The following PPP2R3B variants were observed in gnomAD, a reference collection of about 807,000 sequenced individuals.
PPP2R3B encodes the protein serine/threonine-protein phosphatase 2A regulatory subunit B'' subunit beta.
Under a neutral mutation model 72.9 loss-of-function variants are expected in PPP2R3B, and 68 were observed. That is an observed-to-expected ratio of 0.93 (90% CI 0.77 to 1.14). The LOEUF (loss-of-function observed/expected upper bound fraction) is 1.14. Among genes scored for constraint, PPP2R3B ranks in the 50% most tolerant of loss-of-function variants. The probability of loss-of-function intolerance (pLI) is 0.00; values close to 1 mark genes in which losing one functional copy is unlikely to be tolerated. For missense variants in PPP2R3B, 1,018 were observed against 842.0 expected (o/e 1.21, Z -2.59); for synonymous variants, 466 against 375.8 (o/e 1.24, Z -2.78).
intron 1 of PPP2R3B, among the ~76,000 whole-genome samples, chrX:381,555 G>A (rs1011545784): frequency 6.7e-6 from 1 of 150,092 alleles, no homozygotes; most frequent in African/African-American, 2.5e-5. Context: ...ACGTGGCCTC[G>A]CGTATTCTGT....
intron 6 of PPP2R3B, 91 bp downstream of exon 6, chrX:346,080 GGGA>G: frequency 1.7e-6 from 1 of 579,418 alleles, no homozygotes; most frequent in Non-Finnish European, 2.8e-6. Flanking sequence ...GGGGTGGGAG[GGGA>G]GGAGGGAGGG....
Position 386,676 on chromosome X carries a change from C to T in PPP2R3B, c.16G>A (p.Val6Met). Reference sequence around the variant, plus strand: ...TTCATCTTCAGGACCGGCTGCAGCACTTTGCCGGGCGGCATGGCGGGGGCT... The same window carrying T: ...TTCATCTTCAGGACCGGCTGCAGCATTTTGCCGGGCGGCATGGCGGGGGCT... MPPGK[V>M]LQPVLKMKVD... The change falls in exon 1 of 13, where the codon GTG becomes ATG. Residue 6 changes from valine (V) to methionine (M), a missense_variant. Transcript: ENST00000390665. 1 of 1,321,506 alleles carries T rather than the reference C, an allele frequency of 7.6e-7. No homozygotes were observed. Among genetic ancestry groups the T allele is most frequent in the South Asian group, 2.3e-5 (1 of 43,860 alleles). The allele number at this position is 1,321,506 out of a possible 1,614,324, so 81.9% of individuals were successfully genotyped here. A position where few individuals can be genotyped will look rare whatever the true frequency, so the allele number is the denominator to read the frequency against.
At chrX:363,556 G>GTGCATCTCCCCGAGCCCGCGATCCCACAA (rs2071602020) in intron 1 of PPP2R3B, among the ~76,000 whole-genome samples, 1 of 13,148 alleles carries the variant, frequency 7.6e-5, no homozygotes, top group African/African-American at 4.1e-4. Flanking sequence ...CGATCCCGCA[G>GTGCATCTCCCCGAGCCCGCGATCCCACAA]TGCATCTCCA....
At chrX:335,517 A>C (rs1189422674) in intron 12 of PPP2R3B, 6 of 152,076 alleles carry the variant, frequency 3.9e-5, no homozygotes, top group African/African-American at 1.4e-4. Context: ...CTGATGGGGG[A>C]GCAGGGGTTA....
chrX:371,316 A>C (rs1024286946), intron 1 of PPP2R3B, among the ~76,000 whole-genome samples: 1 of 151,984 alleles, frequency 6.6e-6, no homozygotes, highest in Non-Finnish European at 1.5e-5. Context: ...GTCACACGGG[A>C]GCCTCCCCGG....
At chrX:364,751 C>T (rs1318501404) in intron 1 of PPP2R3B, among the ~76,000 whole-genome samples, 23 of 74,648 alleles carry the variant, frequency 3.1e-4, no homozygotes, top group Non-Finnish European at 4.2e-4. Context: ...GGTGTGGTGG[C>T]GCATGCCTGT....
chrX:335,276 G>C (rs938768316), intron 12 of PPP2R3B: 1 of 152,408 alleles, frequency 6.6e-6, no homozygotes, highest in Non-Finnish European at 1.5e-5. Context: ...GGTGACAGAC[G>C]GTGGTGGGGA....
chrX:344,827 G>A (rs748205369), intron 7 of PPP2R3B: 233 of 297,842 alleles, frequency 7.8e-4, no homozygotes, highest in African/African-American at 4.3e-3. Context: ...GACGCAGACG[G>A]GTGCAGCTCA....
chrX:358,435 G>A (rs1016086689), intron 2 of PPP2R3B, among the ~76,000 whole-genome samples: 4 of 92,266 alleles, frequency 4.3e-5, no homozygotes, highest in Admixed American at 4.1e-4. Context: ...GGGTCGGTGC[G>A]TGCAGGCACA....
rs28493364 is a variant in PPP2R3B at position 346,587 on chromosome X, G to A, written c.792+114C>T. The A allele has an allele frequency of 9.7e-3, 9,995 of 1,033,546 alleles. 66 individuals are homozygous for A. The highest frequency in any genetic ancestry group is 0.011 in the Non-Finnish European group (8,015 of 712,274). The allele number at this position is 1,033,546 out of a possible 1,614,324, so 64.0% of individuals were successfully genotyped here. A position where few individuals can be genotyped will look rare whatever the true frequency, so the allele number is the denominator to read the frequency against. ...TCCCAGAGCGCGGCCGCCTCCTCCG[G>A]AAGCTCAGGAACCCCGGGCCCCGCC... is the stretch of plus-strand genomic sequence containing the variant. On this transcript the variant is annotated intron_variant, in intron 5 of 12. Coordinates refer to ENST00000390665, the MANE Select transcript of PPP2R3B (RefSeq NM_013239.5).
intron 2 of PPP2R3B, among the ~76,000 whole-genome samples, chrX:348,581 A>AAAAAAAG (rs111787156): frequency 6.2e-5 from 9 of 144,340 alleles, no homozygotes; most frequent in Non-Finnish European, 6.0e-5. Context: ...GTCTCAAAAA[A>AAAAAAAG]AGAGCAAATA....
Position 338,813 on chromosome X carries a change from C to G in PPP2R3B, c.1435G>C (p.Asp479His). ...GAGATCTGCTCTTTCTGCTCGTGGT[C>G]GAGGTACTTCTCGATGTTGAAGAAG... ...DTFFNIEKYL[D>H]HEQKEQISLL... Residue 479 changes from aspartate to histidine, a missense_variant, in exon 11 of 13, where the codon GAC (aspartate) becomes CAC (histidine). Transcript: ENST00000390665. 1 of 1,612,434 alleles carries G rather than the reference C, an allele frequency of 6.2e-7. No individual in the cohort carries two copies. The highest frequency in any genetic ancestry group is 1.1e-5 in the South Asian group (1 of 91,078).
chrX:359,334 T>A (rs1355388368), intron 2 of PPP2R3B, among the ~76,000 whole-genome samples: 1 of 152,208 alleles, frequency 6.6e-6, no homozygotes, highest in Non-Finnish European at 1.5e-5. Context: ...CAAGGCGTGT[T>A]AAGTCGAGTG....
At position 338,856 on chromosome X, in the gene PPP2R3B, A is replaced by G. The variant is rs2738373; in HGVS notation, c.1392T>C (p.Ala464=). 1,353,411 of 1,612,110 alleles carry G rather than the reference A, an allele frequency of 0.84. 569,350 individuals carry two copies. Among genetic ancestry groups the G allele is most frequent in the African/African-American group, 0.92 (69,256 of 75,042 alleles). ...TLQDLKRCKL[A]NVFFDTFFNI... is the part of the protein sequence containing the mutation. ...TGAAGAAGGTGTCGAAGAAGACGTT[A>G]GCCAGCTTGCAGCGCTTCAGGTCCT... Residue 464 remains alanine (A), a synonymous_variant, in exon 11 of 13, where the codon GCT becomes GCC. Transcript: ENST00000390665.
intron 1 of PPP2R3B, among the ~76,000 whole-genome samples, chrX:361,824 C>T (rs942713660): frequency 2.0e-5 from 3 of 152,174 alleles, no homozygotes; most frequent in African/African-American, 7.2e-5. Context: ...GGTGGCGGCT[C>T]TGCGCCACTG....
chrX:363,652 C>G (rs1417674193), intron 1 of PPP2R3B, among the ~76,000 whole-genome samples: 16 of 140,980 alleles, frequency 1.1e-4, no homozygotes, highest in East Asian at 2.2e-4. Context: ...AGTCATCTCC[C>G]TGTGCCCACC....
At chrX:368,289 TGGGCACCGACGGG>T in intron 1 of PPP2R3B, among the ~76,000 whole-genome samples, 1 of 106,570 alleles carries the variant, frequency 9.4e-6, no homozygotes, top group South Asian at 3.5e-4. Context: ...CCACCCACCT[TGGGCACCGACGGG>T]GGGAAGGCCG....
chrX:383,062 T>C (rs1411178029), intron 1 of PPP2R3B, among the ~76,000 whole-genome samples: 2 of 152,146 alleles, frequency 1.3e-5, no homozygotes, highest in Non-Finnish European at 2.9e-5. Flanking sequence ...AAGAGATGCG[T>C]CCTGGGGCCC....
At chrX:376,539 C>G (rs1464557347) in intron 1 of PPP2R3B, among the ~76,000 whole-genome samples, 5 of 99,516 alleles carry the variant, frequency 5.0e-5, no homozygotes, top group Admixed American at 9.9e-5. Context: ...GCCGTCCACA[C>G]CCAGTGGGGC....
Sources: gnomAD v4.1 joint callset for allele counts (sites outside exome capture counted in the v4.1 genomes callset) on GRCh38, gnomAD v4.1.1 for gene constraint, MANE v1.5 for transcripts, NCBI Gene and HGNC (gene_info 2026-07-23, HGNC 2026-07-21) for gene names.